NDUFA10: variants seen among roughly 807,000 people sequenced by gnomAD.
NDUFA10 encodes the protein NADH dehydrogenase [ubiquinone] 1 alpha subcomplex subunit 10, mitochondrial.
NDUFA10 carries 40 observed loss-of-function variants against 47.8 expected under a neutral mutation model. The observed-to-expected ratio is 0.84, with a 90% CI of 0.65 to 1.09. The LOEUF (loss-of-function observed/expected upper bound fraction) is 1.09, where lower values mean the gene tolerates loss of function less well. NDUFA10 is among the 50% of genes least tolerant of loss of function. NDUFA10 has a pLI of 0.00. For missense variants in NDUFA10, 413 were observed against 451.1 expected (o/e 0.92, Z 0.76); for synonymous variants, 183 against 172.2 (o/e 1.06, Z -0.49).
intron 9 of NDUFA10, among the ~76,000 whole-genome samples, chr2:239,985,560 A>G (rs1695965907): frequency 6.6e-6 from 1 of 152,196 alleles, no homozygotes; most frequent in African/African-American, 2.4e-5. Flanking sequence ...CATATGACCA[A>G]CTGGAACCGA....
At chr2:239,932,942 CTACA>C (rs1252132339) in intron 4 of NDUFA10, among the ~76,000 whole-genome samples, 3 of 152,174 alleles carry the variant, frequency 2.0e-5, no homozygotes, top group African/African-American at 7.2e-5. Context: ...TTTTAAGAGC[CTACA>C]CTATGAGCGA....
At chr2:239,946,959 A>G (rs115437499) in intron 4 of NDUFA10, among the ~76,000 whole-genome samples, 6,024 of 152,316 alleles carry the variant, frequency 0.04, 420 homozygotes, top group African/African-American at 0.14. Flanking sequence ...TGGCGGAAGG[A>G]GGGAACCCTG....
At chr2:239,986,783 G>C (rs563989710) in intron 9 of NDUFA10, among the ~76,000 whole-genome samples, 2 of 152,234 alleles carry the variant, frequency 1.3e-5, no homozygotes, top group South Asian at 4.1e-4. Flanking sequence ...ATGAGGAAGA[G>C]GACATGTACA....
chr2:239,946,907 C>T (rs79715886), intron 4 of NDUFA10, among the ~76,000 whole-genome samples: 11,563 of 152,292 alleles, frequency 0.076, 964 homozygotes, highest in African/African-American at 0.21. Flanking sequence ...AACCTCAGGC[C>T]GCCTTTGGTG....
At chr2:240,000,524 CTCT>C (rs1310162075) in intron 8 of NDUFA10, among the ~76,000 whole-genome samples, 2 of 152,126 alleles carry the variant, frequency 1.3e-5, no homozygotes, top group Non-Finnish European at 2.9e-5. Flanking sequence ...TAAGGTTAAT[CTCT>C]TACTGAAGAA....
At chr2:239,994,303 G>T (rs928033807) in intron 8 of NDUFA10, among the ~76,000 whole-genome samples, 2 of 152,012 alleles carry the variant, frequency 1.3e-5, no homozygotes, top group African/African-American at 4.8e-5. Context: ...TCCCCTGCTC[G>T]CATTACTGCC....
intron 4 of NDUFA10, among the ~76,000 whole-genome samples, chr2:239,909,729 A>G (rs1367935516): frequency 6.6e-6 from 1 of 150,390 alleles, no homozygotes; most frequent in Non-Finnish European, 1.5e-5. Flanking sequence ...CAATTGCAAC[A>G]AAAGCAAAAA....
downstream of NDUFA10, among the ~76,000 whole-genome samples, chr2:239,955,563 G>C (rs1694636530): frequency 6.6e-6 from 1 of 152,174 alleles, no homozygotes; most frequent in African/African-American, 2.4e-5. Flanking sequence ...CAGGACACGG[G>C]GGTTGGCACG....
At chr2:239,943,815 G>A (rs1694400193) in intron 4 of NDUFA10, among the ~76,000 whole-genome samples, 1 of 152,178 alleles carries the variant, frequency 6.6e-6, no homozygotes, top group South Asian at 2.1e-4. Flanking sequence ...GCTCCCTGCA[G>A]CCCCTCTGCA....
intron 9 of NDUFA10, chr2:239,973,476 C>A (rs901242741): frequency 1.3e-5 from 6 of 469,674 alleles, no homozygotes; most frequent in Admixed American, 7.1e-5. Flanking sequence ...ATGAAAACAA[C>A]TTGAGATAGT....
At chr2:240,002,760 G>T (rs1241148331) in intron 8 of NDUFA10, among the ~76,000 whole-genome samples, 1 of 152,062 alleles carries the variant, frequency 6.6e-6, no homozygotes, top group Admixed American at 6.6e-5. Flanking sequence ...ATTTTAACAG[G>T]GGGGCAGGAA....
chr2:240,018,353 C>A, intron 4 of NDUFA10, 200 bp downstream of exon 4: 1 of 1,481,528 alleles, frequency 6.7e-7, no homozygotes, highest in African/African-American at 1.4e-5. Context: ...CATGACAGCA[C>A]AAAAGACACC....
intron 4 of NDUFA10, among the ~76,000 whole-genome samples, chr2:239,936,855 G>A (rs1457957805): frequency 6.6e-6 from 1 of 152,228 alleles, no homozygotes; most frequent in Non-Finnish European, 1.5e-5. Flanking sequence ...AGCTACTCGA[G>A]AGGCTGAGGC....
At chr2:239,988,954 A>ACT (rs1409036087) in intron 9 of NDUFA10, among the ~76,000 whole-genome samples, 1 of 151,538 alleles carries the variant, frequency 6.6e-6, no homozygotes, top group Middle Eastern at 3.4e-3. Flanking sequence ...AACAGCACAC[A>ACT]CACACAAGTG....
At chr2:239,974,581 G>A (rs898043614) in intron 9 of NDUFA10, among the ~76,000 whole-genome samples, 3 of 152,224 alleles carry the variant, frequency 2.0e-5, no homozygotes, top group Admixed American at 1.3e-4. Flanking sequence ...TGGATCATGC[G>A]GGCTGATCCC....
chr2:239,928,519 C>T lies in NDUFA10; in HGVS notation c.295-33205G>A, dbSNP rs911590946. Among the ~76,000 whole-genome samples the T allele has an allele frequency of 3.3e-5, 5 of 152,204 alleles. No homozygotes were observed. The South Asian group carries it at 6.2e-4, about 19-fold the overall frequency. On this transcript the variant is annotated intron_variant, in intron 4 of 5. Coordinates refer to the NDUFA10 transcript ENST00000419408. The surrounding 1 kb of genome is among the most constrained non-coding windows in gnomAD (Gnocchi z 4.3). ...CAGACTCCTCGGCCCTGGCCCACCG[C>T]GAGCCGCTGCTGGGTTTAATGCAGT... is the stretch of plus-strand genomic sequence containing the variant.
chr2:240,022,139 A>G, intron 2 of NDUFA10, 33 bp downstream of exon 2: 2 of 1,579,836 alleles, frequency 1.3e-6, no homozygotes, highest in Non-Finnish European at 1.7e-6. Flanking sequence ...TATCTGAGAA[A>G]AAGGTATCAT....
chr2:239,905,343 C>T (rs554794641), intron 4 of NDUFA10, among the ~76,000 whole-genome samples: 89 of 152,320 alleles, frequency 5.8e-4, no homozygotes, highest in African/African-American at 1.7e-3. Context: ...TTGGTCCTCC[C>T]GGCTCAAAGG....
At chr2:239,935,352 C>G (rs924255411) in intron 4 of NDUFA10, among the ~76,000 whole-genome samples, 1 of 152,172 alleles carries the variant, frequency 6.6e-6, no homozygotes, top group Non-Finnish European at 1.5e-5. Flanking sequence ...GGATGGTGAC[C>G]GGTGCCACTG....
Sources: allele counts gnomAD v4.1 joint callset (sites outside exome capture counted in the v4.1 genomes callset), GRCh38; gene constraint gnomAD v4.1.1; non-coding constraint Gnocchi (gnomAD v3.1); transcripts MANE v1.5; gene names NCBI Gene and HGNC (gene_info 2026-07-23, HGNC 2026-07-21).